VAT1L: variants seen among roughly 807,000 people sequenced by gnomAD.
VAT1L encodes vesicle amine transport 1 like.
In VAT1L, 34 loss-of-function variants were observed where a neutral mutation model predicts 44.1. The ratio of observed to expected loss-of-function variants is 0.77; its 90% CI spans 0.59 to 1.03. VAT1L has a LOEUF of 1.03. VAT1L is among the 50% of genes least tolerant of loss of function. The probability of loss-of-function intolerance (pLI) is 0.00; values close to 1 mark genes in which losing one functional copy is unlikely to be tolerated. For synonymous variants in VAT1L, 253 were observed against 202.2 expected (o/e 1.25, Z -2.13); for missense variants, 615 against 538.8 (o/e 1.14, Z -1.40).
rs2018366624 is a variant in VAT1L, at chr16:77,978,659, G to T, written c.*964G>T. On this transcript the variant is annotated 3_prime_UTR_variant, in exon 9 of 9. Transcript: ENST00000302536. ...AATGAGCATCTCCTTCCTTGCCAAA[G>T]CATGTCCCAACATGTAACAAACTCT... 6.6e-6 allele frequency: 1 copy of T among 152,208 alleles called. No individual in the cohort carries two copies. Among genetic ancestry groups the T allele is most frequent in the Admixed American group, 6.5e-5 (1 of 15,288 alleles). 9.4% of individuals were successfully genotyped at this position (152,208 alleles called of 1,614,324 possible).
Position 77,968,930 on chromosome 16 carries a change from T to C in VAT1L, c.1078-2920T>C, listed in dbSNP as rs372097571. Among the ~76,000 whole-genome samples the C allele has an allele frequency of 6.1e-3, 928 of 152,218 alleles. 4 individuals carry two copies. The highest frequency in any genetic ancestry group is 0.021 in the African/African-American group (883 of 41,564). On this transcript the variant is annotated intron_variant, in intron 7 of 8. Transcript: ENST00000302536. ...ACCTCCCGGGTTCAAGCAATTCTCC[T>C]GCCTCAGCCTCCCAAGCAGCTGGGA...
chr16:77,975,491 C>T (rs1325156588), intron 8 of VAT1L, among the ~76,000 whole-genome samples: 2 of 152,218 alleles, frequency 1.3e-5, no homozygotes, highest in South Asian at 2.1e-4. Flanking sequence ...GGATTACAGG[C>T]GTGAGCCACC....
intron 7 of VAT1L, among the ~76,000 whole-genome samples, chr16:77,898,128 C>G (rs983868600): frequency 6.6e-6 from 1 of 152,182 alleles, no homozygotes; most frequent in Non-Finnish European, 1.5e-5. Context: ...CTGCCTTCAT[C>G]TTCACAAGGC....
intron 7 of VAT1L, among the ~76,000 whole-genome samples, chr16:77,943,516 A>G (rs1017310183): frequency 1.4e-5 from 2 of 144,502 alleles, no homozygotes; most frequent in African/African-American, 5.1e-5. Context: ...TCTCCTGCCT[A>G]AGCCTCCCTA....
In VAT1L at chr16:77,825,318, G is replaced by A. The variant is rs1364353452; in HGVS notation, c.436G>A (p.Val146Ile). The A allele has an allele frequency of 6.2e-7, 1 of 1,614,184 alleles. No individual in the cohort carries two copies. The highest frequency in any genetic ancestry group is 1.7e-5 in the Admixed American group (1 of 60,028). Reference sequence around the variant, plus strand: ...GGTGGTCTGCACACCAGTGGAGTTTGTCTACAAGATCCCGGATGACATGAG... The same window carrying A: ...GGTGGTCTGCACACCAGTGGAGTTTATCTACAAGATCCCGGATGACATGAG... ...AEVVCTPVEF[V>I]YKIPDDMSFS... The change falls in exon 3 of 9, where the codon GTC (valine) becomes ATC (isoleucine). Residue 146 changes from valine (V) to isoleucine (I), a missense_variant. Physicochemically the swap from Val to Ile is conservative, Grantham distance 29 (BLOSUM62 3). Transcript: ENST00000302536.
intron 7 of VAT1L, among the ~76,000 whole-genome samples, chr16:77,930,902 C>T (rs1450960777): frequency 6.6e-6 from 1 of 152,210 alleles, no homozygotes; most frequent in Non-Finnish European, 1.5e-5. Context: ...TAAGACACAA[C>T]ATTCAACATA....
intron 3 of VAT1L, among the ~76,000 whole-genome samples, chr16:77,839,291 T>C (rs1434559480): frequency 6.6e-6 from 1 of 151,552 alleles, no homozygotes; most frequent in East Asian, 2.0e-4. Flanking sequence ...ATCCTAGCAC[T>C]TTGGGAGGCC....
chr16:77,947,044 C>T (rs1239953369), intron 7 of VAT1L, among the ~76,000 whole-genome samples: 1 of 152,158 alleles, frequency 6.6e-6, no homozygotes, highest in Non-Finnish European at 1.5e-5. Flanking sequence ...ATATTCCTTG[C>T]CACTTAGAGG....
chr16:77,859,146 A>C (rs2016890620), intron 3 of VAT1L, among the ~76,000 whole-genome samples: 1 of 151,824 alleles, frequency 6.6e-6, no homozygotes, highest in South Asian at 2.1e-4. Context: ...AAAAAAAAAA[A>C]AAAACTATTT....
At chr16:77,927,842 C>A (rs554248673) in intron 7 of VAT1L, among the ~76,000 whole-genome samples, 26 of 152,296 alleles carry the variant, frequency 1.7e-4, no homozygotes, top group South Asian at 1.0e-3. Flanking sequence ...GTACTCCAGT[C>A]TGGGTGACAG....
Position 77,825,258 on chromosome 16 carries a change from G to A in VAT1L, c.376G>A (p.Val126Ile). The A allele has an allele frequency of 1.9e-6, 3 of 1,614,106 alleles. No homozygotes were observed. The highest frequency in any genetic ancestry group is 2.5e-6 in the Non-Finnish European group (3 of 1,180,048). ...SVKGYEIGDR[V>I]MAFVNYNAWA... Reference sequence around the variant, plus strand: ...TCCCCATGCCCAGATTGGAGACCGTGTCATGGCATTTGTCAATTACAATGC... The same window carrying A: ...TCCCCATGCCCAGATTGGAGACCGTATCATGGCATTTGTCAATTACAATGC... Residue 126 changes from valine to isoleucine, a missense_variant, in exon 3 of 9, where the codon GTC becomes ATC. Val to Ile is a conservative substitution (Grantham distance 29, BLOSUM62 3). Coordinates refer to ENST00000302536, the MANE Select transcript of VAT1L (RefSeq NM_020927.3).
At chr16:77,880,417 C>T (rs947136892) in intron 6 of VAT1L, among the ~76,000 whole-genome samples, 1 of 152,016 alleles carries the variant, frequency 6.6e-6, no homozygotes, top group African/African-American at 2.4e-5. Flanking sequence ...GCCTCAGCCT[C>T]CCAAAGTGCT....
intron 7 of VAT1L, among the ~76,000 whole-genome samples, chr16:77,910,679 A>C (rs2017490655): frequency 6.7e-6 from 1 of 148,542 alleles, no homozygotes; most frequent in African/African-American, 2.5e-5. Context: ...TTCTCAAAAA[A>C]AAAAAAAAAA....
intron 3 of VAT1L, among the ~76,000 whole-genome samples, chr16:77,847,488 C>G (rs76218225): frequency 0.016 from 2,490 of 152,274 alleles, 66 homozygotes; most frequent in African/African-American, 0.058. Context: ...CCCATGGGTG[C>G]ATTTCATTTT....
chr16:77,828,147 G>A (rs2016543878), intron 3 of VAT1L, among the ~76,000 whole-genome samples: 1 of 152,204 alleles, frequency 6.6e-6, no homozygotes. Context: ...ACTCCGCTGA[G>A]CCGGGATGGG....
chr16:77,961,016 C>G (rs2018154533), intron 7 of VAT1L, among the ~76,000 whole-genome samples: 1 of 152,072 alleles, frequency 6.6e-6, no homozygotes, highest in South Asian at 2.1e-4. Context: ...ATAAACAAAT[C>G]AGGAACTCTG....
intron 1 of VAT1L, among the ~76,000 whole-genome samples, chr16:77,801,874 CAGTT>C (rs1178458919): frequency 1.3e-5 from 2 of 152,166 alleles, no homozygotes. Flanking sequence ...TTTATCCACT[CAGTT>C]AAACTCCCTA....
In VAT1L at chr16:77,867,313, T is replaced by C. The variant is rs187222366; in HGVS notation, c.722+4423T>C. 2.8e-4 allele frequency among the ~76,000 whole-genome samples: 42 copies of C among 152,288 alleles called. 1 individual carries two copies. In the East Asian group the frequency reaches 4.8e-3, roughly 18 times the overall value. ...TGAACATATTTAATCTCTCACCAAA[T>C]TGTACACTTTAAATATGTACAGTTT... On this transcript the variant is annotated intron_variant, in intron 4 of 8. Transcript: ENST00000302536.
intron 7 of VAT1L, among the ~76,000 whole-genome samples, chr16:77,962,135 C>T (rs560892165): frequency 6.6e-6 from 1 of 152,238 alleles, no homozygotes; most frequent in South Asian, 2.1e-4. Context: ...ACCCACCCCT[C>T]ACATCTGCAG....
Sources: allele counts gnomAD v4.1 joint callset (sites outside exome capture counted in the v4.1 genomes callset), GRCh38; gene constraint gnomAD v4.1.1; transcripts MANE v1.5; gene names NCBI Gene and HGNC (gene_info 2026-07-23, HGNC 2026-07-21).